WDR74: variants seen among roughly 807,000 people sequenced by gnomAD.
WDR74 encodes WD repeat domain 74, also known as WD repeat-containing protein 74.
A neutral mutation model predicts 45.6 loss-of-function variants in WDR74; 31 were observed. The observed-to-expected ratio is 0.68, with a 90% CI of 0.51 to 0.92. The LOEUF is 0.92. WDR74 is among the 40% of genes least tolerant of loss of function. The probability of loss-of-function intolerance (pLI) is 0.00; values close to 1 mark genes in which losing one functional copy is unlikely to be tolerated. For synonymous variants in WDR74, 191 were observed against 192.4 expected, an observed-to-expected ratio of 0.99 and a Z score of 0.06; for missense variants, 455 against 497.2, an observed-to-expected ratio of 0.92 and a Z score of 0.81.
chr11:62,834,581 G>C (rs1301971904), intron 6 of WDR74, 54 bp from the exon 7 acceptor site: 7 of 1,494,926 alleles, frequency 4.7e-6, no homozygotes. Context: ...CCTACCCTCT[G>C]GCGTCTCTGC....
intron 3 of WDR74, 110 bp from the exon 4 acceptor site, chr11:62,836,146 T>C: frequency 5.4e-6 from 6 of 1,106,072 alleles, no homozygotes; most frequent in South Asian, 1.4e-5. Context: ...AAAAAAAAAG[T>C]ATAAAAGTAT....
intron 3 of WDR74, among the ~76,000 whole-genome samples, chr11:62,838,849 C>T (rs1565223223): frequency 6.6e-6 from 1 of 151,938 alleles, no homozygotes; most frequent in Non-Finnish European, 1.5e-5. Context: ...ATAATGGAGT[C>T]AGGTGAAAAA....
intron 3 of WDR74, 108 bp from the exon 4 acceptor site, chr11:62,836,144 AGT>A: frequency 8.9e-7 from 1 of 1,128,846 alleles, no homozygotes; most frequent in Non-Finnish European, 1.3e-6. Flanking sequence ...GAAAAAAAAA[AGT>A]ATAAAAGTAT....
upstream of WDR74, chr11:62,841,511 A>C (rs763236747): frequency 6.6e-6 from 1 of 152,110 alleles, no homozygotes; most frequent in Non-Finnish European, 1.5e-5. Flanking sequence ...TCAACACACT[A>C]GCGATAAAAA....
At chr11:62,833,698 G>C in intron 9 of WDR74, 24 bp from the exon 10 acceptor site, 2 of 1,569,778 alleles carry the variant, frequency 1.3e-6, no homozygotes, top group Non-Finnish European at 1.7e-6. Context: ...GGGACCTTAA[G>C]GAGCCAGGCA....
chr11:62,839,124 G>A lies in WDR74; in HGVS notation c.283C>T (p.Gln95Ter). The A allele has an allele frequency of 6.2e-7, 1 of 1,613,406 alleles. No individual in the cohort carries two copies. Among genetic ancestry groups the A allele is most frequent in the Non-Finnish European group, 8.5e-7 (1 of 1,179,880 alleles). ...GGGGATTGGTCTTACCCGTCGGCCT[G>A]GGCGAGGCCACGGAACATGCCCTCC... ...GGEGMFRGLA[Q>*]ADGTLITCVD... The change falls in exon 3 of 11, where the codon CAG becomes TAG. Residue 95 changes from glutamine to a stop codon, truncating the protein, a stop_gained. Coordinates refer to ENST00000278856, the MANE Select transcript of WDR74 (RefSeq NM_001369450.1). LOFTEE classifies it high-confidence loss of function.
intron 6 of WDR74, 151 bp from the exon 7 acceptor site, chr11:62,834,678 A>G (rs2084932841): frequency 5.9e-6 from 4 of 675,286 alleles, no homozygotes; most frequent in Admixed American, 2.9e-5. Flanking sequence ...CTCTTCTCTG[A>G]GCATCAGGGT....
Position 62,839,404 on chromosome 11 carries a change from G to A in WDR74, c.89C>T (p.Ala30Val). 1.9e-6 allele frequency: 3 copies of A among 1,613,128 alleles called. No homozygotes were observed. The highest frequency in any genetic ancestry group is 2.5e-6 in the Non-Finnish European group (3 of 1,179,840). ...LKGVNLQRKQAANFTAGGQPR... is the reference protein window; with the variant it reads ...LKGVNLQRKQVANFTAGGQPR... The stretch of plus-strand genomic sequence containing the variant: ...CTGTCCTCCGGCCGTGAAGTTCGCC[G>A]CCTGTTTTCGCTGAAGATTTACCCC... Residue 30 changes from alanine to valine, a missense_variant, in exon 2 of 11, where the codon GCG becomes GTG. Transcript: ENST00000278856.
chr11:62,838,370 G>A (rs1590989609), intron 3 of WDR74, among the ~76,000 whole-genome samples: 1 of 151,600 alleles, frequency 6.6e-6, no homozygotes, highest in African/African-American at 2.4e-5. Flanking sequence ...GGCCAGGCTG[G>A]TCTTGAACTC....
At chr11:62,835,657 G>C (rs745499607) in intron 5 of WDR74, 38 bp downstream of exon 5, 1 of 1,613,766 alleles carries the variant, frequency 6.2e-7, no homozygotes, top group Admixed American at 1.7e-5. Flanking sequence ...AGCCTCCCTC[G>C]ACTTCAGGAA....
At chr11:62,841,694 T>G (rs574495854), upstream of WDR74, 3 of 152,132 alleles carry the variant, frequency 2.0e-5, no homozygotes, top group East Asian at 3.9e-4. Context: ...TCCTATTCCA[T>G]CTCCTATTTC....
chr11:62,836,577 G>C (rs540446245), intron 3 of WDR74: 1 of 161,084 alleles, frequency 6.2e-6, no homozygotes, highest in African/African-American at 2.4e-5. Context: ...TATCCCTCCC[G>C]AGAAGTCCAA....
At chr11:62,838,162 GT>G (rs912567632) in intron 3 of WDR74, among the ~76,000 whole-genome samples, 9 of 151,586 alleles carry the variant, frequency 5.9e-5, no homozygotes, top group African/African-American at 1.5e-4. Flanking sequence ...TTTTTTTGTT[GT>G]TTTTTTTGAG....
intron 3 of WDR74, among the ~76,000 whole-genome samples, chr11:62,837,122 A>G (rs2084970357): frequency 6.6e-6 from 1 of 152,138 alleles, no homozygotes; most frequent in Non-Finnish European, 1.5e-5. Flanking sequence ...ACACCAATAA[A>G]AGTGCACATC....
upstream of WDR74, among the ~76,000 whole-genome samples, chr11:62,841,327 A>G (rs2085044294): frequency 6.6e-6 from 1 of 152,152 alleles, no homozygotes; most frequent in South Asian, 2.1e-4. Flanking sequence ...AAAAAAAATA[A>G]ATAAGAAATA....
At chr11:62,835,252 C>T in intron 6 of WDR74, 179 bp downstream of exon 6, 1 of 604,138 alleles carries the variant, frequency 1.7e-6, no homozygotes, top group Non-Finnish European at 2.9e-6. Flanking sequence ...CAGGAAACTC[C>T]ACCCTAGAAT....
At chr11:62,837,560 G>A (rs183839786) in intron 3 of WDR74, among the ~76,000 whole-genome samples, 1 of 150,632 alleles carries the variant, frequency 6.6e-6, no homozygotes, top group Admixed American at 6.6e-5. Context: ...CAAATCAAAT[G>A]CTATTTATCC....
chr11:62,837,510 A>T (rs1453813663), intron 3 of WDR74, among the ~76,000 whole-genome samples: 1 of 149,350 alleles, frequency 6.7e-6, no homozygotes, highest in East Asian at 2.0e-4. Context: ...AAAAAAAACA[A>T]AAAACAAAAA....
rs775068898 is a variant in WDR74, at chr11:62,834,311, G to A, written c.740C>T (p.Thr247Ile). 3 of 1,613,768 alleles carry A rather than the reference G, an allele frequency of 1.9e-6. No homozygotes were observed. The highest frequency in any genetic ancestry group is 2.7e-5 in the African/African-American group (2 of 74,874). ...PGGNSVIVGN[T>I]HGQLAEIDLR... ...GTCAATTTCTGCCAGCTGCCCATGA[G>A]TGTTTCCCACAATCACTGAGCTGAG... Residue 247 changes from threonine to isoleucine, a missense_variant, in exon 8 of 11, where the codon ACT (threonine) becomes ATT (isoleucine). Physicochemically the swap from Thr to Ile is moderately conservative, Grantham distance 89. Transcript: ENST00000278856.
Sources: gnomAD v4.1 joint callset for allele counts (sites outside exome capture counted in the v4.1 genomes callset) on GRCh38, gnomAD v4.1.1 for gene constraint, MANE v1.5 for transcripts, NCBI Gene and HGNC (gene_info 2026-07-23, HGNC 2026-07-21) for gene names.